Variants in ASIC5 observed in about 807,000 individuals in gnomAD.
ASIC5 encodes bile acid-sensitive ion channel.
Under a neutral mutation model 51.2 loss-of-function variants are expected in ASIC5, and 52 were observed. The ratio of observed to expected loss-of-function variants is 1.02; its 90% CI spans 0.81 to 1.28. The LOEUF (loss-of-function observed/expected upper bound fraction) is 1.28. ASIC5 is among the 50% of genes most tolerant of loss of function. The probability of loss-of-function intolerance (pLI) is 0.00; values close to 1 mark genes in which losing one functional copy is unlikely to be tolerated. For synonymous variants in ASIC5, 231 were observed against 200.7 expected, an observed-to-expected ratio of 1.15 and a Z score of -1.28; for missense variants, 635 against 595.0, an observed-to-expected ratio of 1.07 and a Z score of -0.70.
At chr4:155,865,724 A>G (rs944934957) in intron 1 of ASIC5, among the ~76,000 whole-genome samples, 3 of 152,068 alleles carry the variant, frequency 2.0e-5, no homozygotes, top group African/African-American at 7.2e-5. Context: ...GACTGTCAGG[A>G]AGATTAAAAT....
At chr4:155,848,435 T>C (rs1349051341) in intron 4 of ASIC5, among the ~76,000 whole-genome samples, 1 of 152,100 alleles carries the variant, frequency 6.6e-6, no homozygotes, top group Non-Finnish European at 1.5e-5. Context: ...TTATTTGGGC[T>C]GTATTTATGT....
intron 6 of ASIC5, among the ~76,000 whole-genome samples, chr4:155,841,275 G>T (rs891979460): frequency 2.0e-5 from 3 of 152,150 alleles, no homozygotes; most frequent in Non-Finnish European, 4.4e-5. Flanking sequence ...GATATGCTGT[G>T]GGAGGGGGAT....
chr4:155,863,331 A>T, intron 2 of ASIC5, 117 bp downstream of exon 2: 1 of 790,062 alleles, frequency 1.3e-6, no homozygotes, highest in Non-Finnish European at 2.0e-6. Flanking sequence ...GTGCAATTTA[A>T]TTCAGTGGTT....
intron 2 of ASIC5, among the ~76,000 whole-genome samples, chr4:155,857,567 G>T: frequency 6.6e-6 from 1 of 152,118 alleles, no homozygotes; most frequent in Middle Eastern, 3.4e-3. Flanking sequence ...ATATTAATTT[G>T]TTTAAACAAT....
At chr4:155,862,612 C>G (rs1741739558) in intron 2 of ASIC5, among the ~76,000 whole-genome samples, 2 of 152,074 alleles carry the variant, frequency 1.3e-5, no homozygotes, top group Non-Finnish European at 2.9e-5. Context: ...ATTTGGTGTA[C>G]AGTCAATGGA....
chr4:155,863,912 T>G (rs1480705803), intron 1 of ASIC5, among the ~76,000 whole-genome samples, 158 bp from the exon 2 acceptor site: 1 of 152,194 alleles, frequency 6.6e-6, no homozygotes, highest in Non-Finnish European at 1.5e-5. Context: ...CATGATTTAT[T>G]CAGGAATCAA....
chr4:155,864,589 C>G (rs1741811736), intron 1 of ASIC5: 1 of 151,962 alleles, frequency 6.6e-6, no homozygotes, highest in Non-Finnish European at 1.5e-5. Flanking sequence ...AATGGAAGAT[C>G]AGGCTTCCGG....
chr4:155,865,868 C>T (rs1002759796), intron 1 of ASIC5, among the ~76,000 whole-genome samples: 5 of 151,972 alleles, frequency 3.3e-5, no homozygotes, highest in Admixed American at 2.6e-4. Context: ...TGAGGAACAT[C>T]AAATCAGCTT....
intron 2 of ASIC5, among the ~76,000 whole-genome samples, chr4:155,862,656 C>T (rs1411284593): frequency 6.6e-6 from 1 of 152,122 alleles, no homozygotes; most frequent in Non-Finnish European, 1.5e-5. Context: ...CAGTCAAGGA[C>T]TCAAGACACT....
chr4:155,840,059 C>A (rs1360551237), intron 6 of ASIC5, among the ~76,000 whole-genome samples: 1 of 152,126 alleles, frequency 6.6e-6, no homozygotes, highest in Non-Finnish European at 1.5e-5. Context: ...AGATCATATT[C>A]CTGAATGCAT....
chr4:155,846,926 A>T (rs1459578864), intron 4 of ASIC5, among the ~76,000 whole-genome samples: 2 of 152,240 alleles, frequency 1.3e-5, no homozygotes, highest in African/African-American at 4.8e-5. Context: ...TCTAAAGGTT[A>T]TGTATAAAAC....
intron 4 of ASIC5, among the ~76,000 whole-genome samples, chr4:155,851,024 C>T (rs570870690): frequency 1.3e-5 from 2 of 152,090 alleles, no homozygotes; most frequent in African/African-American, 4.8e-5. Context: ...TAATTCAAAA[C>T]TCTATTTCTC....
At chr4:155,832,242 T>C (rs984220090) in intron 8 of ASIC5, among the ~76,000 whole-genome samples, 2 of 152,236 alleles carry the variant, frequency 1.3e-5, no homozygotes, top group South Asian at 4.1e-4. Context: ...TTCTGTCTTT[T>C]GTTACTTACA....
At position 155,853,483 on chromosome 4, in the gene ASIC5, T is replaced by C. The variant is rs144386572; in HGVS notation, c.585+594A>G. ...CTTTATCTTAAATGTAGATTAATTT[T>C]ATAAACAATAATAACAGGATTTTGT... On this transcript the variant is annotated intron_variant, in intron 3 of 9. Coordinates refer to ENST00000537611, the MANE Select transcript of ASIC5 (RefSeq NM_017419.3). Among the ~76,000 whole-genome samples the C allele has an allele frequency of 4.6e-3, 694 of 151,216 alleles. 7 individuals carry two copies. Among genetic ancestry groups the C allele is most frequent in the African/African-American group, 0.016 (642 of 41,400 alleles).
At chr4:155,842,069 G>GA in intron 6 of ASIC5, 138 bp downstream of exon 6, 1 of 793,330 alleles carries the variant, frequency 1.3e-6, no homozygotes, top group East Asian at 2.7e-5. Context: ...GAATGGGTCA[G>GA]CAACATCTGT....
intron 9 of ASIC5, among the ~76,000 whole-genome samples, chr4:155,831,331 T>A (rs758846380): frequency 6.6e-6 from 1 of 152,260 alleles, no homozygotes; most frequent in Non-Finnish European, 1.5e-5. Flanking sequence ...TAAAAGTCCA[T>A]GTGAGGTTGT....
At chr4:155,854,549 A>G (rs1741478177) in intron 2 of ASIC5, among the ~76,000 whole-genome samples, 2 of 152,030 alleles carry the variant, frequency 1.3e-5, no homozygotes. Flanking sequence ...CTTGATCTGG[A>G]TGACACCTAA....
At chr4:155,849,040 A>G (rs1741319793) in intron 4 of ASIC5, among the ~76,000 whole-genome samples, 1 of 152,120 alleles carries the variant, frequency 6.6e-6, no homozygotes, top group Non-Finnish European at 1.5e-5. Flanking sequence ...GCATAAGTGC[A>G]ATAAGAATCT....
At chr4:155,864,347 T>C (rs1196928659) in intron 1 of ASIC5, among the ~76,000 whole-genome samples, 1 of 152,182 alleles carries the variant, frequency 6.6e-6, no homozygotes, top group Non-Finnish European at 1.5e-5. Flanking sequence ...TTTCTACCTC[T>C]TCATGGAATT....
Sources: allele counts gnomAD v4.1 joint callset (sites outside exome capture counted in the v4.1 genomes callset), GRCh38; gene constraint gnomAD v4.1.1; transcripts MANE v1.5; gene names NCBI Gene and HGNC (gene_info 2026-07-23, HGNC 2026-07-21).